The following GLIS3 variants were observed in gnomAD, a reference collection of about 807,000 sequenced individuals.
The protein encoded by GLIS3 is GLIS family zinc finger 3.
GLIS3 carries 53 observed loss-of-function variants against 78.6 expected under a neutral mutation model. That is an observed-to-expected ratio of 0.67 (90% CI 0.54 to 0.85). The LOEUF (loss-of-function observed/expected upper bound fraction) is 0.85. Among genes scored for constraint, GLIS3 ranks in the 40% least tolerant of loss-of-function variants. The pLI is 0.00. For synonymous variants in GLIS3, 684 were observed against 509.9 expected (o/e 1.34, Z -4.60); for missense variants, 1,703 against 1,231.1 (o/e 1.38, Z -5.74).
chr9:3,943,933 T>A (rs1438792912), intron 4 of GLIS3, among the ~76,000 whole-genome samples: 1 of 152,236 alleles, frequency 6.6e-6, no homozygotes, highest in African/African-American at 2.4e-5. Flanking sequence ...TGTTTTTCCT[T>A]ATTATTCTGG....
intron 2 of GLIS3, among the ~76,000 whole-genome samples, chr9:4,319,679 G>C (rs890014678): frequency 9.2e-5 from 14 of 152,010 alleles, no homozygotes; most frequent in Admixed American, 7.2e-4. Flanking sequence ...ATAGGTGTTT[G>C]CCACCACGCC....
the GLIS3 span, among the ~76,000 whole-genome samples, chr9:4,374,279 G>A: frequency 1.3e-5 from 2 of 152,190 alleles, no homozygotes; most frequent in African/African-American, 4.8e-5. Flanking sequence ...TGGCTGTTAT[G>A]GGCTAAATCC....
the GLIS3 span, among the ~76,000 whole-genome samples, chr9:4,357,155 T>G: frequency 6.6e-6 from 1 of 152,222 alleles, no homozygotes; most frequent in Admixed American, 6.5e-5. Flanking sequence ...AATAACCCTG[T>G]GATCTTTAAT....
rs1835100611 is a variant in GLIS3, at chr9:4,157,155, T to G, written c.389-31214A>C. On this transcript the variant is annotated intron_variant, in intron 2 of 10. Coordinates refer to ENST00000381971, the MANE Select transcript of GLIS3 (RefSeq NM_001042413.2). Reference sequence around the variant, plus strand: ...GGTGCGTGCGGTAATTATAAGCTATTTGTTATGAGCTAGGCTCTGCAGCAA... The same window carrying G: ...GGTGCGTGCGGTAATTATAAGCTATGTGTTATGAGCTAGGCTCTGCAGCAA... 2.0e-5 allele frequency among the ~76,000 whole-genome samples: 3 copies of G among 152,226 alleles called. No homozygotes were observed. The South Asian group carries it at 6.2e-4, about 32-fold the overall frequency.
chr9:4,172,422 T>C (rs1257764497), intron 2 of GLIS3, among the ~76,000 whole-genome samples: 1 of 152,172 alleles, frequency 6.6e-6, no homozygotes, highest in East Asian at 1.9e-4. Context: ...TTTTGTACAG[T>C]ACATTAATTG....
chr9:3,845,213 T>A (rs1818955945), intron 9 of GLIS3, among the ~76,000 whole-genome samples: 1 of 152,164 alleles, frequency 6.6e-6, no homozygotes, highest in Non-Finnish European at 1.5e-5. Context: ...CCTATTCTTA[T>A]GAGAGCTGTA....
At chr9:4,337,770 G>C (rs923504492) in intron 2 of GLIS3, among the ~76,000 whole-genome samples, 1 of 152,112 alleles carries the variant, frequency 6.6e-6, no homozygotes, top group Non-Finnish European at 1.5e-5. Flanking sequence ...AGAGGTGGTA[G>C]CAACCAGTTT....
intron 2 of GLIS3, among the ~76,000 whole-genome samples, chr9:4,314,433 T>C (rs899426200): frequency 1.9e-4 from 29 of 152,226 alleles, no homozygotes; most frequent in Non-Finnish European, 5.9e-5. Context: ...ATGCACACAA[T>C]ATGTTTGCAT....
intron 4 of GLIS3, among the ~76,000 whole-genome samples, chr9:4,105,070 TAA>T (rs1318419381): frequency 6.6e-6 from 1 of 152,222 alleles, no homozygotes; most frequent in African/African-American, 2.4e-5. Context: ...AAAATATCTA[TAA>T]GTGAAATAAT....
At chr9:4,315,550 C>T (rs1228368204) in intron 2 of GLIS3, among the ~76,000 whole-genome samples, 1 of 152,122 alleles carries the variant, frequency 6.6e-6, no homozygotes, top group Admixed American at 6.5e-5. Context: ...CTAAACTTCA[C>T]CCTCTGCCGC....
At chr9:4,198,779 A>G (rs552604799) in intron 2 of GLIS3, among the ~76,000 whole-genome samples, 30 of 152,338 alleles carry the variant, frequency 2.0e-4, no homozygotes, top group South Asian at 1.9e-3. Flanking sequence ...TCCAAGGTCA[A>G]TGCTACAGAA....
At chr9:3,962,687 G>C (rs1228239747) in intron 4 of GLIS3, among the ~76,000 whole-genome samples, 1 of 152,100 alleles carries the variant, frequency 6.6e-6, no homozygotes, top group African/African-American at 2.4e-5. Flanking sequence ...AGAGTAAATA[G>C]GGAGAAACAA....
chr9:4,089,221 A>G (rs755114847), intron 4 of GLIS3, among the ~76,000 whole-genome samples: 112 of 152,314 alleles, frequency 7.4e-4, no homozygotes, highest in Non-Finnish European at 1.4e-3. Flanking sequence ...GCACTGATCC[A>G]TTGTATAAAT....
At chr9:4,444,832 T>C in the GLIS3 span, among the ~76,000 whole-genome samples, 1,315 of 152,310 alleles carry the variant, frequency 8.6e-3, 24 homozygotes, top group African/African-American at 0.03. Context: ...CTTCAAAGAT[T>C]TCATGCTTGG....
At chr9:4,407,540 G>T in the GLIS3 span, among the ~76,000 whole-genome samples, 4 of 152,176 alleles carry the variant, frequency 2.6e-5, no homozygotes, top group African/African-American at 7.2e-5. Flanking sequence ...CCAGCTACTC[G>T]GGAGGCTGAG....
chr9:4,418,655 C>A, the GLIS3 span, among the ~76,000 whole-genome samples: 1 of 151,898 alleles, frequency 6.6e-6, no homozygotes, highest in Non-Finnish European at 1.5e-5. Flanking sequence ...GCCGAGATCA[C>A]GCCACTGCAC....
chr9:3,863,647 T>C (rs982162186), intron 8 of GLIS3, among the ~76,000 whole-genome samples: 9 of 152,164 alleles, frequency 5.9e-5, no homozygotes, highest in African/African-American at 2.2e-4. Flanking sequence ...GTCTGTGAAG[T>C]TGGCTGTAGG....
intron 8 of GLIS3, among the ~76,000 whole-genome samples, chr9:3,866,858 G>A (rs1820623020): frequency 6.6e-6 from 1 of 151,978 alleles, no homozygotes; most frequent in African/African-American, 2.4e-5. Flanking sequence ...AGTGCCATGT[G>A]TGAGCTGGTG....
chr9:3,943,307 A>C (rs897512318), intron 4 of GLIS3, among the ~76,000 whole-genome samples: 3 of 152,230 alleles, frequency 2.0e-5, no homozygotes, highest in Non-Finnish European at 2.9e-5. Context: ...GATTATGTGG[A>C]GTAATAGGGA....
Sources: allele counts gnomAD v4.1 joint callset (sites outside exome capture counted in the v4.1 genomes callset), GRCh38; gene constraint gnomAD v4.1.1; transcripts MANE v1.5; gene names NCBI Gene and HGNC (gene_info 2026-07-23, HGNC 2026-07-21).